Variants in LRP1B observed in about 807,000 individuals in gnomAD.
LRP1B encodes the protein LDL receptor related protein 1B.
Under a neutral mutation model 556.6 loss-of-function variants are expected in LRP1B, and 217 were observed. That is an observed-to-expected ratio of 0.39 (90% CI 0.35 to 0.44). The LOEUF is 0.44. Among genes scored for constraint, LRP1B ranks in the 20% least tolerant of loss-of-function variants. The pLI is 1.00. For synonymous variants in LRP1B, 2,047 were observed against 1,865.8 expected, an observed-to-expected ratio of 1.10 and a Z score of -2.50; for missense variants, 5,053 against 5,620.8, an observed-to-expected ratio of 0.90 and a Z score of 3.23.
intron 37 of LRP1B, among the ~76,000 whole-genome samples, chr2:140,708,254 T>G (rs561687180): frequency 1.3e-5 from 2 of 150,688 alleles, no homozygotes; most frequent in Non-Finnish European, 3.0e-5. Flanking sequence ...ACTTCAGAAT[T>G]TTTTTTTTCT....
chr2:140,905,474 C>T (rs1024984851), intron 22 of LRP1B, among the ~76,000 whole-genome samples: 2 of 152,126 alleles, frequency 1.3e-5, no homozygotes, highest in Non-Finnish European at 1.5e-5. Flanking sequence ...CTACCCAGAA[C>T]TACCTTCTAA....
At chr2:141,635,618 T>C (rs1442338179) in intron 2 of LRP1B, among the ~76,000 whole-genome samples, 3 of 152,168 alleles carry the variant, frequency 2.0e-5, no homozygotes, top group Non-Finnish European at 4.4e-5. Flanking sequence ...CACAAGTGAT[T>C]TGACAAATGA....
intron 2 of LRP1B, among the ~76,000 whole-genome samples, chr2:141,585,915 G>A (rs1016815548): frequency 6.7e-6 from 1 of 149,282 alleles, no homozygotes; most frequent in Non-Finnish European, 1.5e-5. Context: ...CGAGGGTCTC[G>A]CTATCTTGCT....
At chr2:141,132,333 G>T (rs1701379647) in intron 7 of LRP1B, among the ~76,000 whole-genome samples, 1 of 151,928 alleles carries the variant, frequency 6.6e-6, no homozygotes, top group African/African-American at 2.4e-5. Flanking sequence ...GTTCTCAGGG[G>T]AATGGATTAG....
At chr2:140,373,513 A>G (rs1683085975) in intron 68 of LRP1B, among the ~76,000 whole-genome samples, 2 of 152,216 alleles carry the variant, frequency 1.3e-5, no homozygotes, top group Non-Finnish European at 2.9e-5. Flanking sequence ...TTATGGCTTC[A>G]TCATACTAAT....
At position 141,098,781 on chromosome 2, in the gene LRP1B, C is replaced by T. The variant is rs577580144; in HGVS notation, c.1014-36508G>A. ...CAAGTGATTCTCCTGCCTCAGCCTC[C>T]GAAGTAGCTGGGATTACAGGCATGT... On this transcript the variant is annotated intron_variant, in intron 7 of 90. Coordinates refer to ENST00000389484, the MANE Select transcript of LRP1B (RefSeq NM_018557.3). Among the ~76,000 whole-genome samples, 334 of 152,250 alleles carry T rather than the reference C, an allele frequency of 2.2e-3. 3 individuals are homozygous for T. Among genetic ancestry groups the T allele is most frequent in the South Asian group, 3.9e-3 (19 of 4,824 alleles).
chr2:142,026,109 CT>C (rs1447993291), intron 1 of LRP1B, among the ~76,000 whole-genome samples: 1 of 152,064 alleles, frequency 6.6e-6, no homozygotes. Flanking sequence ...AAAATCCTGT[CT>C]AAAAAAAACC....
At chr2:141,704,816 C>G (rs1437475523) in intron 2 of LRP1B, among the ~76,000 whole-genome samples, 1 of 151,900 alleles carries the variant, frequency 6.6e-6, no homozygotes, top group African/African-American at 2.4e-5. Flanking sequence ...TTGACTATAT[C>G]TCTATTTCAG....
At chr2:141,616,542 T>C (rs1196344472) in intron 2 of LRP1B, among the ~76,000 whole-genome samples, 1 of 152,230 alleles carries the variant, frequency 6.6e-6, no homozygotes, top group Non-Finnish European at 1.5e-5. Flanking sequence ...TAATTTACAC[T>C]AGTCATTCAA....
At chr2:141,680,703 T>C (rs925788681) in intron 2 of LRP1B, among the ~76,000 whole-genome samples, 15 of 152,144 alleles carry the variant, frequency 9.9e-5, no homozygotes, top group Non-Finnish European at 2.1e-4. Context: ...AAATAATATT[T>C]GCAGAAAAGA....
At chr2:140,372,640 A>G (rs1452280967) in intron 69 of LRP1B, among the ~76,000 whole-genome samples, 2 of 152,256 alleles carry the variant, frequency 1.3e-5, no homozygotes, top group African/African-American at 4.8e-5. Flanking sequence ...AAATGATTAC[A>G]TTCTATTTCA....
chr2:141,574,720 C>G (rs935151319), intron 2 of LRP1B, among the ~76,000 whole-genome samples: 8 of 152,062 alleles, frequency 5.3e-5, no homozygotes, highest in African/African-American at 1.7e-4. Flanking sequence ...ACATCTCAGC[C>G]TAAAAACTCC....
chr2:141,589,113 T>G (rs1375126089), intron 2 of LRP1B, among the ~76,000 whole-genome samples: 2 of 152,168 alleles, frequency 1.3e-5, no homozygotes, highest in Non-Finnish European at 2.9e-5. Flanking sequence ...TTGTTTAATT[T>G]TGTAAGTAAA....
intron 1 of LRP1B, among the ~76,000 whole-genome samples, chr2:141,927,110 T>C (rs1309958491): frequency 1.3e-5 from 2 of 152,150 alleles, no homozygotes; most frequent in Middle Eastern, 3.2e-3. Context: ...CTATGTGGCA[T>C]ATACTACATA....
At chr2:141,328,629 A>T (rs1687518371) in intron 3 of LRP1B, among the ~76,000 whole-genome samples, 1 of 152,212 alleles carries the variant, frequency 6.6e-6, no homozygotes, top group Non-Finnish European at 1.5e-5. Flanking sequence ...TGCTCCTGCA[A>T]AGCTAATAAT....
At position 140,699,274 on chromosome 2, in the gene LRP1B, A is replaced by G. The variant is rs370904395; in HGVS notation, c.6799+976T>C. On this transcript the variant is annotated intron_variant, in intron 41 of 90. Coordinates refer to ENST00000389484, the MANE Select transcript of LRP1B (RefSeq NM_018557.3). ...AAGATGAAGCCTCATGTAATAAAAT[A>G]AAAGCTTTGCAATACACAGTAAATG... Among the ~76,000 whole-genome samples, 408 of 152,188 alleles carry G rather than the reference A, an allele frequency of 2.7e-3. 2 individuals are homozygous for G. The highest frequency in any genetic ancestry group is 4.1e-3 in the Non-Finnish European group (279 of 67,932).
intron 1 of LRP1B, among the ~76,000 whole-genome samples, chr2:141,829,127 A>G (rs558444509): frequency 5.9e-5 from 9 of 152,084 alleles, no homozygotes; most frequent in Non-Finnish European, 1.0e-4. Context: ...TAAAATTTAT[A>G]TTAGTACTAG....
At chr2:141,916,996 G>A (rs567509971) in intron 1 of LRP1B, among the ~76,000 whole-genome samples, 26 of 152,104 alleles carry the variant, frequency 1.7e-4, no homozygotes, top group Non-Finnish European at 2.9e-4. Flanking sequence ...ATCTTTGTAT[G>A]AATTTGATAC....
intron 3 of LRP1B, among the ~76,000 whole-genome samples, chr2:141,466,586 G>A (rs981402506): frequency 1.3e-5 from 2 of 152,124 alleles, no homozygotes; most frequent in African/African-American, 4.8e-5. Flanking sequence ...CTTCTGGAAA[G>A]CTCCTTAAGA....
Sources: allele counts gnomAD v4.1 joint callset (sites outside exome capture counted in the v4.1 genomes callset), GRCh38; gene constraint gnomAD v4.1.1; transcripts MANE v1.5; gene names NCBI Gene and HGNC (gene_info 2026-07-23, HGNC 2026-07-21).